Variants in CTNNA3 observed in about 807,000 individuals in gnomAD.
CTNNA3 encodes catenin alpha-3.
In CTNNA3, 76 loss-of-function variants were observed where a neutral mutation model predicts 95.7. The ratio of observed to expected loss-of-function variants is 0.79; its 90% confidence interval spans 0.66 to 0.96. The LOEUF (loss-of-function observed/expected upper bound fraction) is 0.96, where lower values mean the gene tolerates loss of function less well. Among genes scored for constraint, CTNNA3 ranks in the 40% least tolerant of loss-of-function variants. CTNNA3 has a pLI of 0.00. For synonymous variants in CTNNA3, 431 were observed against 374.4 expected (o/e 1.15, Z -1.74); for missense variants, 1,191 against 1,089.8 (o/e 1.09, Z -1.31).
intron 17 of CTNNA3, among the ~76,000 whole-genome samples, chr10:65,945,237 T>C (rs1370235642): frequency 1.3e-5 from 2 of 152,096 alleles, no homozygotes; most frequent in Non-Finnish European, 2.9e-5. Context: ...TATGGTTGGC[T>C]CAATTGTGAA....
chr10:66,125,576 G>C lies in CTNNA3; in HGVS notation c.1885-22327C>G, dbSNP rs148269787. On this transcript the variant is annotated intron_variant, in intron 13 of 17. Transcript: ENST00000433211. ...CAACAGAGGTAATTCATAGAAAACA[G>C]AAATACTAATAATCACTTTAAATGT... Among the ~76,000 whole-genome samples the C allele has an allele frequency of 4.7e-3, 714 of 152,234 alleles. 5 individuals are homozygous for C. The highest frequency in any genetic ancestry group is 0.016 in the African/African-American group (668 of 41,542).
chr10:66,933,173 A>G (rs1302148197), intron 7 of CTNNA3, among the ~76,000 whole-genome samples: 1 of 152,180 alleles, frequency 6.6e-6, no homozygotes, highest in Non-Finnish European at 1.5e-5. Context: ...GAAATCAGTA[A>G]CCTCCATGTT....
chr10:66,807,638 G>C (rs1268284252), intron 7 of CTNNA3, among the ~76,000 whole-genome samples: 3 of 152,142 alleles, frequency 2.0e-5, no homozygotes, highest in Non-Finnish European at 4.4e-5. Flanking sequence ...ACTAAATTGA[G>C]TAATTAGACC....
intron 12 of CTNNA3, among the ~76,000 whole-genome samples, chr10:66,334,134 A>AGATG (rs1241186056): frequency 6.6e-6 from 1 of 151,216 alleles, no homozygotes; most frequent in Non-Finnish European, 1.5e-5. Context: ...TCTGCATGTG[A>AGATG]GATGGGTTTC....
At chr10:67,372,719 C>A (rs910117454) in intron 5 of CTNNA3, among the ~76,000 whole-genome samples, 3 of 152,050 alleles carry the variant, frequency 2.0e-5, no homozygotes, top group African/African-American at 4.8e-5. Context: ...TTAAGGGCAG[C>A]CAGAGAGAAA....
At chr10:66,779,685 T>C (rs935787700) in intron 7 of CTNNA3, among the ~76,000 whole-genome samples, 9 of 152,218 alleles carry the variant, frequency 5.9e-5, no homozygotes, top group Admixed American at 2.0e-4. Context: ...TTTCAAGGTA[T>C]AACTCAGTTA....
At chr10:66,446,509 G>T (rs1482071282) in intron 11 of CTNNA3, among the ~76,000 whole-genome samples, 1 of 151,068 alleles carries the variant, frequency 6.6e-6, no homozygotes, top group Non-Finnish European at 1.5e-5. Context: ...GGGATGCAAG[G>T]CTGGTTTAAC....
intron 7 of CTNNA3, among the ~76,000 whole-genome samples, chr10:66,814,852 T>A: frequency 7.4e-5 from 1 of 13,570 alleles, no homozygotes; most frequent in African/African-American, 9.0e-4. Context: ...GTTAGCATTC[T>A]TTTTTTTTTT....
At chr10:66,498,257 G>A (rs1840163266) in intron 11 of CTNNA3, among the ~76,000 whole-genome samples, 1 of 151,760 alleles carries the variant, frequency 6.6e-6, no homozygotes, top group African/African-American at 2.4e-5. Flanking sequence ...TTTATAGAGG[G>A]GAAAATACTG....
chr10:66,334,130 T>C (rs984194791), intron 12 of CTNNA3, among the ~76,000 whole-genome samples: 2 of 152,036 alleles, frequency 1.3e-5, no homozygotes, highest in African/African-American at 2.4e-5. Flanking sequence ...TGTCTCTGCA[T>C]GTGAGATGGG....
chr10:66,035,098 C>G (rs1185889879), intron 15 of CTNNA3, among the ~76,000 whole-genome samples: 1 of 152,020 alleles, frequency 6.6e-6, no homozygotes, highest in Non-Finnish European at 1.5e-5. Context: ...CTTCCTTTGC[C>G]TGGCAGTCCT....
intron 7 of CTNNA3, among the ~76,000 whole-genome samples, chr10:67,102,119 G>A (rs908091822): frequency 2.0e-5 from 3 of 151,720 alleles, no homozygotes; most frequent in African/African-American, 7.3e-5. Flanking sequence ...TCAAGGTGCA[G>A]ATGAATTGGT....
intron 7 of CTNNA3, among the ~76,000 whole-genome samples, chr10:66,840,815 A>T (rs187488044): frequency 1.1e-3 from 168 of 152,178 alleles, no homozygotes; most frequent in African/African-American, 4.0e-3. Flanking sequence ...TGTTTCCACA[A>T]AGGACAGAAT....
chr10:67,734,501 T>C (rs1841292043), intron 1 of CTNNA3, among the ~76,000 whole-genome samples: 3 of 152,196 alleles, frequency 2.0e-5, no homozygotes, highest in Admixed American at 1.3e-4. Context: ...ACATGAAAGA[T>C]TGTACCTATT....
intron 13 of CTNNA3, among the ~76,000 whole-genome samples, chr10:66,106,684 T>C (rs1030558258): frequency 2.0e-5 from 3 of 152,168 alleles, no homozygotes; most frequent in Non-Finnish European, 4.4e-5. Flanking sequence ...TTTCCTCTTC[T>C]TTCTCCACTA....
chr10:67,485,772 C>G (rs1848422725), intron 5 of CTNNA3, among the ~76,000 whole-genome samples: 1 of 152,164 alleles, frequency 6.6e-6, no homozygotes, highest in African/African-American at 2.4e-5. Context: ...CATACCTAGC[C>G]AAAGCACAAG....
intron 7 of CTNNA3, among the ~76,000 whole-genome samples, chr10:66,942,600 G>C (rs1848061505): frequency 6.6e-6 from 1 of 151,782 alleles, no homozygotes; most frequent in East Asian, 1.9e-4. Context: ...GTGTGTGTGT[G>C]TGTCTGCGTG....
intron 12 of CTNNA3, among the ~76,000 whole-genome samples, chr10:66,311,344 GAGAGTT>G (rs1185811288): frequency 6.6e-6 from 1 of 152,218 alleles, no homozygotes; most frequent in Admixed American, 6.5e-5. Flanking sequence ...GTAGCATAAA[GAGAGTT>G]AGAGAGAATC....
rs61241074 is a variant in CTNNA3, at chr10:67,212,971, C to CTTTG, written c.843+6632_843+6635dup. ...ATTTCATATAATGGATTGAGAGCTA[C>CTTTG]TTTGTTTGTTTGTTTGTTTGCTATT... On this transcript the variant is annotated intron_variant, in intron 6 of 17. Coordinates refer to ENST00000433211, the MANE Select transcript of CTNNA3 (RefSeq NM_013266.4). 1.9e-4 allele frequency among the ~76,000 whole-genome samples: 29 copies of CTTTG among 151,802 alleles called. No individual in the cohort carries two copies. The East Asian group carries it at 4.1e-3, about 21-fold the overall frequency.
Sources: allele counts gnomAD v4.1 joint callset (sites outside exome capture counted in the v4.1 genomes callset), GRCh38; gene constraint gnomAD v4.1.1; transcripts MANE v1.5; gene names NCBI Gene and HGNC (gene_info 2026-07-23, HGNC 2026-07-21).